ACSS3: variants seen among roughly 807,000 people sequenced by gnomAD.
ACSS3 encodes acyl-CoA synthetase short-chain family member 3, mitochondrial.
ACSS3 carries 64 observed loss-of-function variants against 84.2 expected under a neutral mutation model. That is an observed-to-expected ratio of 0.76 (90% CI 0.62 to 0.94). The LOEUF is 0.94. ACSS3 is among the 40% of genes least tolerant of loss of function. ACSS3 has a pLI of 0.00. For synonymous variants in ACSS3, 317 were observed against 310.1 expected (o/e 1.02, Z -0.23); for missense variants, 815 against 867.6 (o/e 0.94, Z 0.76).
chr12:81,176,599 TA>T (rs574521386), intron 8 of ACSS3, among the ~76,000 whole-genome samples: 92 of 146,126 alleles, frequency 6.3e-4, no homozygotes, highest in Middle Eastern at 3.4e-3. Context: ...AATACAAAAA[TA>T]AAAAAAAAAT....
At chr12:81,098,115 A>C (rs1882199937) in intron 1 of ACSS3, among the ~76,000 whole-genome samples, 1 of 150,736 alleles carries the variant, frequency 6.6e-6, no homozygotes, top group Non-Finnish European at 1.5e-5. Context: ...TGGCATATCT[A>C]AATGGTCCCA....
rs139474905 is a variant in ACSS3 at position 81,147,229 on chromosome 12, G to A, written c.921+3982G>A. Among the ~76,000 whole-genome samples the A allele has an allele frequency of 1.9e-3, 283 of 152,210 alleles. 1 individual carries two copies. The highest frequency in any genetic ancestry group is 6.5e-3 in the African/African-American group (268 of 41,520). ...TATTTCATGTTTGATGAAATATCCC[G>A]AATAGAAACTTTTTATGCCTTCTAA... On this transcript the variant is annotated intron_variant, in intron 5 of 15. Transcript: ENST00000548058.
chr12:81,219,522 T>C (rs1427496020), intron 10 of ACSS3, among the ~76,000 whole-genome samples: 1 of 152,110 alleles, frequency 6.6e-6, no homozygotes, highest in Non-Finnish European at 1.5e-5. Context: ...ACAGAAAGTA[T>C]TGAGATAATA....
chr12:81,216,877 G>A lies in ACSS3; in HGVS notation c.1355-24G>A, dbSNP rs1555182025. 7 of 1,580,572 alleles carry A rather than the reference G, an allele frequency of 4.4e-6. No homozygotes were observed. In the East Asian group the frequency reaches 1.6e-4, roughly 36 times the overall value. On this transcript the variant is annotated intron_variant, in intron 9 of 15. Coordinates refer to ENST00000548058, the MANE Select transcript of ACSS3 (RefSeq NM_024560.4). ...ATGATTCCAAGTTAAAACATGAAGT[G>A]ATAAATAACATTTCTTTTTCCAGAG... is the stretch of plus-strand genomic sequence containing the variant.
At position 81,233,337 on chromosome 12, in the gene ACSS3, T is replaced by C; in HGVS notation, c.1597-12T>C. ...TACATGCTAATCAAATGTTATTTTT[T>C]CTTGTTTTCAGGGATATTATGATAC... On this transcript the variant is annotated splice_polypyrimidine_tract_variant and intron_variant, in intron 12 of 15. Transcript: ENST00000548058. 6.2e-7 allele frequency: 1 copy of C among 1,608,836 alleles called. No homozygotes were observed. Among genetic ancestry groups the C allele is most frequent in the Non-Finnish European group, 8.5e-7 (1 of 1,176,498 alleles).
At chr12:81,156,932 G>A (rs962290414) in intron 7 of ACSS3, among the ~76,000 whole-genome samples, 27 of 152,206 alleles carry the variant, frequency 1.8e-4, no homozygotes, top group African/African-American at 6.5e-4. Context: ...GTTTAAGGGA[G>A]AATCAATACC....
At chr12:81,129,657 G>T (rs533943524) in intron 2 of ACSS3, among the ~76,000 whole-genome samples, 3 of 152,206 alleles carry the variant, frequency 2.0e-5, no homozygotes, top group Middle Eastern at 6.8e-3. Context: ...TTAAGTTCTA[G>T]GGTACATGTG....
rs772337973 is a variant in ACSS3 at position 81,174,841 on chromosome 12, G to A, written c.1152G>A (p.Glu384=). 5.6e-6 allele frequency: 9 copies of A among 1,613,804 alleles called. No homozygotes were observed. The highest frequency in any genetic ancestry group is 7.6e-6 in the Non-Finnish European group (9 of 1,179,930). ...GCGCTTATTTCCGTGTGCTTGCAGA[G>A]CATGGAGTAGCTGCCTTGTTTACAG... ...DAGAYFRVLA[E]HGVAALFTAP... Residue 384 remains glutamate, a synonymous_variant, in exon 8 of 16, where the codon GAG becomes GAA. Coordinates refer to ENST00000548058, the MANE Select transcript of ACSS3 (RefSeq NM_024560.4).
At chr12:81,199,617 T>A (rs535031609) in intron 9 of ACSS3, 173 bp downstream of exon 9, 1 of 1,496,364 alleles carries the variant, frequency 6.7e-7, no homozygotes, top group Admixed American at 2.0e-5. Context: ...ATTAATAATG[T>A]CTTCATAAGT....
At chr12:81,081,844 C>A (rs1880997334) in intron 1 of ACSS3, among the ~76,000 whole-genome samples, 1 of 152,182 alleles carries the variant, frequency 6.6e-6, no homozygotes, top group Non-Finnish European at 1.5e-5. Flanking sequence ...GCTAACATTT[C>A]TGTAGTCAAG....
chr12:81,140,362 A>G (rs1441505050), intron 4 of ACSS3, among the ~76,000 whole-genome samples: 4 of 150,996 alleles, frequency 2.6e-5, no homozygotes, highest in African/African-American at 7.3e-5. Context: ...GCTATTTATG[A>G]TAAGACCAAC....
chr12:81,136,773 G>T (rs1341768883), intron 3 of ACSS3, among the ~76,000 whole-genome samples: 1 of 152,192 alleles, frequency 6.6e-6, no homozygotes, highest in African/African-American at 2.4e-5. Flanking sequence ...CAAGTGTCAT[G>T]TTTTAAACAA....
intron 9 of ACSS3, among the ~76,000 whole-genome samples, chr12:81,204,615 C>G (rs1593193595): frequency 2.0e-5 from 3 of 152,080 alleles, no homozygotes; most frequent in African/African-American, 7.2e-5. Context: ...AGATAGAATA[C>G]TCAAATTCCA....
At position 81,257,586 on chromosome 12, in the gene ACSS3, A is replaced by G. The variant is rs1321564001; in HGVS notation, c.*2664A>G. On this transcript the variant is annotated 3_prime_UTR_variant, in exon 16 of 16. Transcript: ENST00000548058. ...ATAAAGTGCTTTCAGAAGTTATAGTATTTTCCAATTCATTGAATTACTTTG... is the reference window on the plus strand; with the variant it reads ...ATAAAGTGCTTTCAGAAGTTATAGTGTTTTCCAATTCATTGAATTACTTTG... 6.6e-6 allele frequency: 1 copy of G among 152,138 alleles called. No homozygotes were observed. Among genetic ancestry groups the G allele is most frequent in the Non-Finnish European group, 1.5e-5 (1 of 68,014 alleles). 9.4% of individuals were successfully genotyped at this position (152,138 alleles called of 1,614,324 possible).
chr12:81,108,357 C>T (rs978336866), intron 1 of ACSS3, among the ~76,000 whole-genome samples: 8 of 151,844 alleles, frequency 5.3e-5, no homozygotes, highest in African/African-American at 1.9e-4. Flanking sequence ...TGGCTCACTG[C>T]AACCTCCACC....
At chr12:81,126,500 ACT>A (rs1358786018) in intron 2 of ACSS3, among the ~76,000 whole-genome samples, 4 of 152,202 alleles carry the variant, frequency 2.6e-5, no homozygotes, top group Non-Finnish European at 4.4e-5. Context: ...ACACAGAAAT[ACT>A]GTTTTAAAAT....
intron 4 of ACSS3, among the ~76,000 whole-genome samples, chr12:81,140,226 T>C (rs1886025963): frequency 1.3e-5 from 2 of 152,202 alleles, no homozygotes; most frequent in African/African-American, 4.8e-5. Context: ...TCTAAGTAGA[T>C]AAATTATTCT....
At chr12:81,116,045 A>G (rs1427452110) in intron 2 of ACSS3, among the ~76,000 whole-genome samples, 1 of 152,010 alleles carries the variant, frequency 6.6e-6, no homozygotes, top group East Asian at 1.9e-4. Flanking sequence ...ACCCAACCAT[A>G]TGTTTCTGTG....
chr12:81,151,202 T>C lies in ACSS3; in HGVS notation c.922-642T>C, dbSNP rs559796745. Among the ~76,000 whole-genome samples the C allele has an allele frequency of 2.6e-4, 40 of 152,298 alleles. 1 individual carries two copies. The highest frequency in any genetic ancestry group is 1.4e-3 in the East Asian group (7 of 5,178). ...CTGATTTGTGAAAACTTTACTACAA[T>C]GATATAATGATCCCTACTTTTGCCC... On this transcript the variant is annotated intron_variant, in intron 5 of 15. Coordinates refer to ENST00000548058, the MANE Select transcript of ACSS3 (RefSeq NM_024560.4).
Sources: allele counts gnomAD v4.1 joint callset (sites outside exome capture counted in the v4.1 genomes callset), GRCh38; gene constraint gnomAD v4.1.1; transcripts MANE v1.5; gene names NCBI Gene and HGNC (gene_info 2026-07-23, HGNC 2026-07-21).